The following CRTC1 variants were observed in gnomAD, a reference collection of about 807,000 sequenced individuals.
CRTC1 encodes the protein CREB-regulated transcription coactivator 1.
A neutral mutation model predicts 66.1 loss-of-function variants in CRTC1; 18 were observed. The observed-to-expected ratio is 0.27, with a 90% CI of 0.19 to 0.40. The LOEUF (loss-of-function observed/expected upper bound fraction) is 0.40. Ranked by LOEUF, CRTC1 falls within the 10% of genes least tolerant of loss-of-function variation. The pLI is 1.00. For synonymous variants in CRTC1, 416 were observed against 398.8 expected (o/e 1.04, Z -0.51); for missense variants, 669 against 887.9 (o/e 0.75, Z 3.13).
chr19:18,743,862 T>C (rs1158827398), intron 2 of CRTC1, among the ~76,000 whole-genome samples: 1 of 152,220 alleles, frequency 6.6e-6, no homozygotes, highest in African/African-American at 2.4e-5. Flanking sequence ...TCACAGCCCT[T>C]CCTGGCCAGG....
chr19:18,691,522 C>CAA (rs60633222), intron 1 of CRTC1, among the ~76,000 whole-genome samples: 28 of 72,612 alleles, frequency 3.9e-4, no homozygotes, highest in South Asian at 1.0e-3. Flanking sequence ...CCCTTTTCTC[C>CAA]AAAAAAAAAA....
At chr19:18,736,875 T>C (rs2054008059) in intron 1 of CRTC1, among the ~76,000 whole-genome samples, 1 of 152,178 alleles carries the variant, frequency 6.6e-6, no homozygotes, top group African/African-American at 2.4e-5. Flanking sequence ...TGGCAGTTGC[T>C]TCTGGGCCTG....
At chr19:18,713,153 T>G (rs963835619) in intron 1 of CRTC1, among the ~76,000 whole-genome samples, 27 of 152,330 alleles carry the variant, frequency 1.8e-4, no homozygotes, top group African/African-American at 6.5e-4. Flanking sequence ...GTCTTCAGGC[T>G]TCTTCCACGT....
chr19:18,686,562 G>T (rs762956949), intron 1 of CRTC1, among the ~76,000 whole-genome samples: 2 of 152,324 alleles, frequency 1.3e-5, no homozygotes, highest in African/African-American at 4.8e-5. Context: ...CAGAAGAATC[G>T]CTTGAACCTG....
intron 1 of CRTC1, among the ~76,000 whole-genome samples, chr19:18,725,356 CT>C (rs1381950042): frequency 6.6e-6 from 1 of 152,176 alleles, no homozygotes; most frequent in East Asian, 1.9e-4. Context: ...CAGGGAGCCC[CT>C]GTCCAGCTCC....
rs547678296 is a variant in CRTC1 at position 18,749,825 on chromosome 19, C to T, written c.488C>T (p.Thr163Met). 5.2e-5 allele frequency: 84 copies of T among 1,614,096 alleles called. No individual in the cohort carries two copies. The Middle Eastern group carries it at 6.6e-4, about 13-fold the overall frequency. ...SALHQSTMTP[T>M]QPESFSSGSQ... The stretch of plus-strand genomic sequence containing the variant: ...CTGCACCAGAGCACAATGACGCCCA[C>T]GCAGCCAGAATCCTTTAGCAGTGGG... The change falls in exon 5 of 14, where the codon ACG (threonine) becomes ATG (methionine). Residue 163 changes from threonine (T) to methionine (M), a missense_variant. Physicochemically the swap from Thr to Met is moderately conservative, Grantham distance 81. Transcript: ENST00000321949.
In CRTC1 at chr19:18,749,715, G is replaced by T. The variant is rs921457942; in HGVS notation, c.444-66G>T. Reference sequence around the variant, plus strand: ...CTGTCCATCCAGCGTGTCCCAGCTGGGATCAGGACTATCGCATTGTCTGCC... The same window carrying T: ...CTGTCCATCCAGCGTGTCCCAGCTGTGATCAGGACTATCGCATTGTCTGCC... On this transcript the variant is annotated intron_variant, in intron 4 of 13. Coordinates refer to ENST00000321949, the MANE Select transcript of CRTC1 (RefSeq NM_015321.3). The T allele has an allele frequency of 8.2e-6, 11 of 1,333,356 alleles. No individual in the cohort carries two copies. In the Admixed American group the frequency reaches 8.4e-5, roughly 10 times the overall value. The allele number at this position is 1,333,356 out of a possible 1,614,324, so 82.6% of individuals were successfully genotyped here. A position where few individuals can be genotyped will look rare whatever the true frequency, so the allele number is the denominator to read the frequency against.
intron 1 of CRTC1, among the ~76,000 whole-genome samples, chr19:18,727,580 C>CAAAAAAAAAAA (rs60907638): frequency 0.019 from 997 of 51,694 alleles, 133 homozygotes; most frequent in East Asian, 0.043. Context: ...GACTCTGTCT[C>CAAAAAAAAAAA]AAAAAAAAAA....
At chr19:18,770,191 G>C (rs546741538) in intron 10 of CRTC1, among the ~76,000 whole-genome samples, 1 of 152,224 alleles carries the variant, frequency 6.6e-6, no homozygotes. Flanking sequence ...TGGCTGGGCC[G>C]TGCTAGGACA....
chr19:18,747,121 G>T lies in CRTC1; in HGVS notation c.443+7G>T. Reference sequence around the variant, plus strand: ...CGGACACCAGCTGGAGAAGGTCAGTGGCTGGACACCCCCCCCCCGCCCCCT... The same window carrying T: ...CGGACACCAGCTGGAGAAGGTCAGTTGCTGGACACCCCCCCCCCGCCCCCT... On this transcript the variant is annotated splice_region_variant and intron_variant, in intron 4 of 13. Transcript: ENST00000321949. 6.3e-7 allele frequency: 1 copy of T among 1,596,090 alleles called. No homozygotes were observed. Among genetic ancestry groups the T allele is most frequent in the Non-Finnish European group, 8.6e-7 (1 of 1,169,000 alleles).
chr19:18,756,196 G>C (rs1275971148), intron 6 of CRTC1, among the ~76,000 whole-genome samples: 1 of 151,950 alleles, frequency 6.6e-6, no homozygotes, highest in Non-Finnish European at 1.5e-5. Context: ...AGCCAGGTGT[G>C]GTGGCACTTG....
At chr19:18,707,210 C>A (rs996378293) in intron 1 of CRTC1, among the ~76,000 whole-genome samples, 7 of 152,118 alleles carry the variant, frequency 4.6e-5, no homozygotes, top group Non-Finnish European at 7.4e-5. Context: ...TATAGAGTTA[C>A]AGTTTTAGTT....
intron 1 of CRTC1, among the ~76,000 whole-genome samples, chr19:18,714,070 A>G (rs1293513443): frequency 6.6e-6 from 1 of 152,112 alleles, no homozygotes; most frequent in African/African-American, 2.4e-5. Flanking sequence ...ACCAGGCCCC[A>G]CACAAGCCCA....
chr19:18,774,450 T>C (rs1204009650), intron 11 of CRTC1, among the ~76,000 whole-genome samples: 4 of 152,216 alleles, frequency 2.6e-5, no homozygotes, highest in Admixed American at 6.5e-5. Flanking sequence ...ATCCTGTCCA[T>C]GTACGTGGCC....
chr19:18,761,257 C>T (rs2054608592), intron 8 of CRTC1, among the ~76,000 whole-genome samples: 1 of 152,252 alleles, frequency 6.6e-6, no homozygotes, highest in Non-Finnish European at 1.5e-5. Flanking sequence ...CTGCTCCGTC[C>T]TTAGCTGTTG....
Position 18,752,147 on chromosome 19 carries a change from CAAAAAA to C in CRTC1, c.539-1341_539-1336del, listed in dbSNP as rs35618318. Reference sequence around the variant, plus strand: ...CCTGGGTGGGAGAGCAAGACTGTCTCAAAAAAAAAAAAAAAAAGAAAGAAAGAAAAA... The same window carrying C: ...CCTGGGTGGGAGAGCAAGACTGTCTCAAAAAAAAAAAGAAAGAAAGAAAAA... On this transcript the variant is annotated intron_variant, in intron 5 of 13. Coordinates refer to ENST00000321949, the MANE Select transcript of CRTC1 (RefSeq NM_015321.3). Among the ~76,000 whole-genome samples the C allele has an allele frequency of 6.2e-3, 561 of 90,622 alleles. 3 individuals carry two copies. Among genetic ancestry groups the C allele is most frequent in the African/African-American group, 0.023 (530 of 23,294 alleles). The allele number at this position is 90,622 out of a possible 152,430, so 59.5% of individuals were successfully genotyped here. A position where few individuals can be genotyped will look rare whatever the true frequency, so the allele number is the denominator to read the frequency against.
At chr19:18,743,174 C>T in intron 2 of CRTC1, 148 bp downstream of exon 2, 1 of 682,656 alleles carries the variant, frequency 1.5e-6, no homozygotes, top group Non-Finnish European at 2.5e-6. Context: ...CCCTGGGAAC[C>T]AGAGGAAGCA....
At chr19:18,757,719 TA>T (rs2054520534) in intron 6 of CRTC1, among the ~76,000 whole-genome samples, 3 of 150,532 alleles carry the variant, frequency 2.0e-5, no homozygotes, top group African/African-American at 7.4e-5. Flanking sequence ...AAAAAAAAAT[TA>T]AAAAATAAAA....
At position 18,780,934 on chromosome 19, in the gene CRTC1, C is replaced by T. The variant is rs1207027903; in HGVS notation, c.*3552C>T. On this transcript the variant is annotated 3_prime_UTR_variant, in exon 14 of 14. Transcript: ENST00000321949. ...TTTTAACCAAACATCCTTCCAAACT[C>T]GGGCTGCGACCTGCTTCCTGAGTTT... 7 of 222,558 alleles carry T rather than the reference C, an allele frequency of 3.1e-5. No homozygotes were observed. The highest frequency in any genetic ancestry group is 6.5e-5 in the East Asian group (1 of 15,394). 13.8% of individuals were successfully genotyped at this position (222,558 alleles called of 1,614,324 possible). A position where few individuals can be genotyped will look rare whatever the true frequency, so the allele number is the denominator to read the frequency against.
Sources: gnomAD v4.1 joint callset for allele counts (sites outside exome capture counted in the v4.1 genomes callset) on GRCh38, gnomAD v4.1.1 for gene constraint, MANE v1.5 for transcripts, NCBI Gene and HGNC (gene_info 2026-07-23, HGNC 2026-07-21) for gene names.